Variants in MKRN1 observed in about 807,000 individuals in gnomAD.
MKRN1 encodes E3 ubiquitin-protein ligase makorin-1.
A neutral mutation model predicts 55.5 loss-of-function variants in MKRN1; 9 were observed. The ratio of observed to expected loss-of-function variants is 0.16; its 90% CI spans 0.10 to 0.28. The LOEUF is 0.28. Ranked by LOEUF, MKRN1 falls within the 10% of genes least tolerant of loss-of-function variation. The probability of loss-of-function intolerance (pLI) is 1.00; values close to 1 mark genes in which losing one functional copy is unlikely to be tolerated. For synonymous variants in MKRN1, 253 were observed against 235.9 expected (o/e 1.07, Z -0.66); for missense variants, 488 against 626.7 (o/e 0.78, Z 2.36).
rs558932955 is a variant in MKRN1, at chr7:140,454,987, T to A, written c.1236+108A>T. ...TTTCCTCCTTTAATACTCTACACTT[T>A]CGCTCCCAGACCTGAGCGTTAACCT... On this transcript the variant is annotated intron_variant, in intron 7 of 7. Transcript: ENST00000255977. The A allele has an allele frequency of 3.5e-5, 50 of 1,446,030 alleles. No individual in the cohort carries two copies. The African/African-American group carries it at 6.1e-4, about 18-fold the overall frequency. 89.6% of individuals were successfully genotyped at this position (1,446,030 alleles called of 1,614,324 possible). A position where few individuals can be genotyped will look rare whatever the true frequency, so the allele number is the denominator to read the frequency against.
chr7:140,470,681 C>G (rs985982384), intron 2 of MKRN1, among the ~76,000 whole-genome samples: 1 of 151,866 alleles, frequency 6.6e-6, no homozygotes, highest in Non-Finnish European at 1.5e-5. Context: ...TCTGGGAGGC[C>G]GAGGTGGGCA....
At chr7:140,468,570 A>C (rs903263132) in intron 2 of MKRN1, among the ~76,000 whole-genome samples, 5 of 151,826 alleles carry the variant, frequency 3.3e-5, no homozygotes, top group African/African-American at 1.2e-4. Flanking sequence ...GTGTGGTGGC[A>C]CATGCCTGTA....
intron 2 of MKRN1, chr7:140,460,196 G>A (rs1323640828): frequency 2.7e-5 from 11 of 402,240 alleles, no homozygotes; most frequent in Non-Finnish European, 3.2e-5. Flanking sequence ...GTGGTGAGCC[G>A]AGATCATGCC....
rs756948499 is a variant in MKRN1, at chr7:140,454,363, AG to A, written c.*153del. On this transcript the variant is annotated 3_prime_UTR_variant, in exon 8 of 8. Coordinates refer to ENST00000255977, the MANE Select transcript of MKRN1 (RefSeq NM_013446.4). ...ACAACACACTCCTCAGGGAAAGGTG[AG>A]GGGTTGAGAAGACAGGCCCTGGGTA... 14 of 660,324 alleles carry A rather than the reference AG, an allele frequency of 2.1e-5. No individual in the cohort carries two copies. The highest frequency in any genetic ancestry group is 3.7e-5 in the Non-Finnish European group (14 of 376,122). 40.9% of individuals were successfully genotyped at this position (660,324 alleles called of 1,614,324 possible). A position where few individuals can be genotyped will look rare whatever the true frequency, so the allele number is the denominator to read the frequency against.
In MKRN1 at chr7:140,460,246, CAA is replaced by C. The variant is rs58698651; in HGVS notation, c.315-312_315-311del. Reference sequence around the variant, plus strand: ...TGGGCGACAGAGTGAGACTCCGTCTCAAAAAAAAAAAAAAAAAAAAAGTAAGC... The same window carrying C: ...TGGGCGACAGAGTGAGACTCCGTCTCAAAAAAAAAAAAAAAAAAAGTAAGC... On this transcript the variant is annotated intron_variant, in intron 2 of 7. Transcript: ENST00000255977. 2.7e-3 allele frequency: 210 copies of C among 77,190 alleles called. 1 individual carries two copies. Among genetic ancestry groups the C allele is most frequent in the Admixed American group, 0.023 (123 of 5,354 alleles). The allele number at this position is 77,190 out of a possible 1,614,324, so 4.8% of individuals were successfully genotyped here. A position where few individuals can be genotyped will look rare whatever the true frequency, so the allele number is the denominator to read the frequency against.
chr7:140,457,917 G>A (rs956480162), intron 4 of MKRN1, among the ~76,000 whole-genome samples: 3 of 152,110 alleles, frequency 2.0e-5, no homozygotes, highest in Non-Finnish European at 2.9e-5. Context: ...ATCAAATTAT[G>A]TCTACCTTAT....
intron 1 of MKRN1, among the ~76,000 whole-genome samples, chr7:140,474,005 A>AAAAAGAAAGAAAG (rs1336764327): frequency 4.6e-5 from 3 of 65,658 alleles, no homozygotes; most frequent in African/African-American, 9.6e-5. Flanking sequence ...AAAAAAAAAA[A>AAAAAGAAAGAAAG]AAAGAAAGAA....
At position 140,455,825 on chromosome 7, in the gene MKRN1, C is replaced by T; in HGVS notation, c.1062G>A (p.Lys354=). ...CCTTGTATTTCAGAATGAGTTTCTG[C>T]TTCTCTTCTTTCTCCTCCACCCAGT... ...SEYWVEEKEE[K]QKLILKYKEA... The change falls in exon 6 of 8, where the codon AAG becomes AAA. Residue 354 remains lysine, a synonymous_variant. Transcript: ENST00000255977. The T allele has an allele frequency of 6.2e-7, 1 of 1,614,016 alleles. No individual in the cohort carries two copies.
intron 1 of MKRN1, among the ~76,000 whole-genome samples, chr7:140,477,900 T>C (rs1563099442): frequency 6.6e-6 from 1 of 152,254 alleles, no homozygotes; most frequent in Non-Finnish European, 1.5e-5. Flanking sequence ...CCTGGCAATA[T>C]TCCACTTTTA....
At position 140,479,392 on chromosome 7, in the gene MKRN1, T is replaced by G. The variant is rs1362244181; in HGVS notation, c.-48A>C. The G allele has an allele frequency of 7.9e-6, 10 of 1,271,548 alleles. No individual in the cohort carries two copies. The highest frequency in any genetic ancestry group is 9.0e-6 in the Non-Finnish European group (9 of 1,002,684). The allele number at this position is 1,271,548 out of a possible 1,614,324, so 78.8% of individuals were successfully genotyped here. A position where few individuals can be genotyped will look rare whatever the true frequency, so the allele number is the denominator to read the frequency against. ...AGGCCCCGGAACTTCCGGGATCACA[T>G]AGTTCCGGTCCGGCTGCGGGGAGAG... On this transcript the variant is annotated 5_prime_UTR_variant, in exon 1 of 8. An upstream start codon of the reference 5' UTR is lost. Coordinates refer to ENST00000255977, the MANE Select transcript of MKRN1 (RefSeq NM_013446.4).
At chr7:140,474,005 A>AAAAAAAAGAAAGAAAG (rs1336764327) in intron 1 of MKRN1, among the ~76,000 whole-genome samples, 2 of 65,670 alleles carry the variant, frequency 3.0e-5, no homozygotes, top group Non-Finnish European at 2.7e-5. Flanking sequence ...AAAAAAAAAA[A>AAAAAAAAGAAAGAAAG]AAAGAAAGAA....
chr7:140,463,078 G>A (rs868829633), intron 2 of MKRN1, among the ~76,000 whole-genome samples: 5 of 152,188 alleles, frequency 3.3e-5, no homozygotes, highest in Admixed American at 1.3e-4. Context: ...TGGCCAACAT[G>A]GTGAAACCAC....
At chr7:140,456,352 G>C in intron 5 of MKRN1, 1 of 1,267,348 alleles carries the variant, frequency 7.9e-7, no homozygotes, top group Non-Finnish European at 1.0e-6. Context: ...CATACATTCA[G>C]AGCTAGATCA....
chr7:140,478,803 C>A (rs1375159497), intron 1 of MKRN1: 3 of 170,322 alleles, frequency 1.8e-5, no homozygotes. Flanking sequence ...GCGGCGGGGG[C>A]ATCCTTCCAG....
rs1345169636 is a variant in MKRN1 at position 140,458,710 on chromosome 7, G to A, written c.771+297C>T. Among the ~76,000 whole-genome samples, 5 of 152,252 alleles carry A rather than the reference G, an allele frequency of 3.3e-5. No homozygotes were observed. The East Asian group carries it at 9.6e-4, about 29-fold the overall frequency. ...TTAGAAGTCTATAGTCTGAGTTTCT[G>A]GAAGTAGGACTTCTTTTTTTCTTTT... On this transcript the variant is annotated intron_variant, in intron 4 of 7. Coordinates refer to ENST00000255977, the MANE Select transcript of MKRN1 (RefSeq NM_013446.4).
chr7:140,479,110 G>C (rs1220800200), intron 1 of MKRN1, 50 bp downstream of exon 1: 1 of 1,284,280 alleles, frequency 7.8e-7, no homozygotes, highest in South Asian at 2.6e-5. Context: ...CCGCAGGCTT[G>C]GCCCGCGGCC....
intron 1 of MKRN1, among the ~76,000 whole-genome samples, chr7:140,477,498 A>G (rs919810169): frequency 4.6e-5 from 7 of 151,944 alleles, no homozygotes; most frequent in African/African-American, 7.3e-5. Context: ...TGTTTTTTGT[A>G]TTTTCAGTAG....
rs1794401959 is a variant in MKRN1, at chr7:140,454,118, G to GT, written c.*398dup. The stretch of plus-strand genomic sequence containing the variant: ...GGCAGAGGGCTATTGGCCAGCTTAG[G>GT]TCCCTTCACCCATCACTCCTATTCT... On this transcript the variant is annotated 3_prime_UTR_variant, in exon 8 of 8. Transcript: ENST00000255977. 3.8e-6 allele frequency: 1 copy of GT among 263,530 alleles called. No individual in the cohort carries two copies. The highest frequency in any genetic ancestry group is 4.5e-5 in the South Asian group (1 of 22,238). The allele number at this position is 263,530 out of a possible 1,614,324, so 16.3% of individuals were successfully genotyped here.
intron 2 of MKRN1, chr7:140,460,246 CAAA>C (rs58698651): frequency 9.7e-4 from 75 of 77,196 alleles, no homozygotes; most frequent in South Asian, 5.0e-3. Flanking sequence ...GACTCCGTCT[CAAA>C]AAAAAAAAAA....
Sources: gnomAD v4.1 joint callset for allele counts (sites outside exome capture counted in the v4.1 genomes callset) on GRCh38, gnomAD v4.1.1 for gene constraint, MANE v1.5 for transcripts, NCBI Gene and HGNC (gene_info 2026-07-23, HGNC 2026-07-21) for gene names.